The following EYS variants were observed in gnomAD, a reference collection of about 807,000 sequenced individuals.
EYS encodes protein eyes shut homolog.
In EYS, 250 loss-of-function variants were observed where a neutral mutation model predicts 282.1. The ratio of observed to expected loss-of-function variants is 0.89; its 90% CI spans 0.80 to 0.98. The LOEUF is 0.98. EYS is among the 50% of genes least tolerant of loss of function. The pLI, the probability that EYS is intolerant of heterozygous loss-of-function variation, is 0.00. For synonymous variants in EYS, 1,355 were observed against 1,282.9 expected (o/e 1.06, Z -1.20); for missense variants, 4,016 against 3,709.0 (o/e 1.08, Z -2.15).
intron 35 of EYS, among the ~76,000 whole-genome samples, chr6:63,879,405 C>T (rs565128769): frequency 6.6e-6 from 1 of 152,060 alleles, no homozygotes; most frequent in Admixed American, 6.6e-5. Context: ...GAGGGAGAGG[C>T]TACTGAAGAA....
intron 2 of EYS, among the ~76,000 whole-genome samples, chr6:65,506,492 T>TTG (rs1766664562): frequency 1.3e-5 from 1 of 77,738 alleles, no homozygotes; most frequent in Non-Finnish European, 2.4e-5. Context: ...TTTTTTTTTT[T>TTG]TTTTTTTTGG....
intron 19 of EYS, among the ~76,000 whole-genome samples, chr6:64,859,030 AGAATT>A (rs1442046354): frequency 2.6e-5 from 4 of 151,972 alleles, no homozygotes; most frequent in African/African-American, 4.8e-5. Flanking sequence ...TAGAAAATGA[AGAATT>A]GAACTGTCTC....
chr6:64,372,990 G>T (rs1003363436), intron 29 of EYS, among the ~76,000 whole-genome samples: 2 of 152,026 alleles, frequency 1.3e-5, no homozygotes, highest in African/African-American at 4.8e-5. Flanking sequence ...CCTTAGATTT[G>T]GTTGGGTTTT....
At position 64,806,083 on chromosome 6, in the gene EYS, T is replaced by C. The variant is rs186436878; in HGVS notation, c.3443+7295A>G. 3.7e-3 allele frequency among the ~76,000 whole-genome samples: 565 copies of C among 151,840 alleles called. 13 individuals are homozygous for C. The highest frequency in any genetic ancestry group is 0.033 in the Admixed American group (508 of 15,256). ...ACATTAAAAAATCAAAATAGGTTGA[T>C]GTTTTAAATTTGAATCTCTCCATGT... On this transcript the variant is annotated intron_variant, in intron 22 of 42. Transcript: ENST00000503581.
Position 65,417,751 on chromosome 6 carries a change from C to G in EYS, c.863-12384G>C, listed in dbSNP as rs142774774. ...GCAACTTTTATAAAGTAGATATTGT[C>G]GTTATGCCTATTATAAGCAAGGTGA... On this transcript the variant is annotated intron_variant, in intron 5 of 42. Transcript: ENST00000503581. 2.1e-3 allele frequency among the ~76,000 whole-genome samples: 320 copies of G among 152,044 alleles called. 2 individuals are homozygous for G. Among genetic ancestry groups the G allele is most frequent in the African/African-American group, 7.4e-3 (307 of 41,508 alleles).
Position 63,907,644 on chromosome 6 carries a change from A to C in EYS, c.7056-43286T>G, listed in dbSNP as rs1178430202. ...AGGCATTCATTTTTTTATCTGTATA[A>C]ATTTAAGGGACAAAAGTGCAGTTTT... On this transcript the variant is annotated intron_variant, in intron 35 of 42. Coordinates refer to ENST00000503581, the MANE Select transcript of EYS (RefSeq NM_001142800.2). Among the ~76,000 whole-genome samples the C allele has an allele frequency of 2.0e-5, 3 of 152,024 alleles. No homozygotes were observed. In the East Asian group the frequency reaches 5.8e-4, roughly 29 times the overall value.
chr6:63,806,232 G>C lies in EYS; in HGVS notation c.7369C>G (p.Leu2457Val). The stretch of plus-strand genomic sequence containing the variant: ...GTAAAAAATATCAAGTTATTTTGCA[G>C]TGCTGAGTGGTTGTTTGCCAGCTGA... ...KFQLANNHSA[L>V]QNNLIFFTGQ... Residue 2457 changes from leucine (L) to valine (V), a missense_variant, in exon 37 of 43, where the codon CTG (leucine) becomes GTG (valine). By Grantham distance (32) the Leu-to-Val change is conservative. Transcript: ENST00000503581. 6.4e-7 allele frequency: 1 copy of C among 1,551,578 alleles called. No homozygotes were observed. Among genetic ancestry groups the C allele is most frequent in the Non-Finnish European group, 8.7e-7 (1 of 1,146,902 alleles).
rs569322442 is a variant in EYS, at chr6:63,788,649, C to T, written c.7579-400G>A. ...GTTCTTTAGATAAAAATATAAACTT[C>T]TTAGCACATCTAAGCCCTTTGATAA... On this transcript the variant is annotated intron_variant, in intron 38 of 42. Coordinates refer to ENST00000503581, the MANE Select transcript of EYS (RefSeq NM_001142800.2). Among the ~76,000 whole-genome samples the T allele has an allele frequency of 7.2e-5, 11 of 152,090 alleles. No individual in the cohort carries two copies. The East Asian group carries it at 2.1e-3, about 29-fold the overall frequency.
chr6:65,192,398 T>G (rs1765664609), intron 12 of EYS, among the ~76,000 whole-genome samples: 1 of 151,242 alleles, frequency 6.6e-6, no homozygotes. Context: ...ATGCACCAAA[T>G]TTTATATCTT....
intron 1 of EYS, among the ~76,000 whole-genome samples, chr6:65,688,760 G>A (rs1253727070): frequency 1.3e-5 from 2 of 151,802 alleles, no homozygotes; most frequent in Admixed American, 6.6e-5. Context: ...GCAGCCAAAA[G>A]ACACATGAAA....
intron 30 of EYS, among the ~76,000 whole-genome samples, chr6:64,265,204 AG>A (rs1302591734): frequency 6.6e-6 from 1 of 152,154 alleles, no homozygotes; most frequent in African/African-American, 2.4e-5. Context: ...TGCAATTTAA[AG>A]TCACAAAAAA....
At chr6:65,017,737 A>G (rs1453605913) in intron 13 of EYS, among the ~76,000 whole-genome samples, 1 of 152,256 alleles carries the variant, frequency 6.6e-6, no homozygotes, top group African/African-American at 2.4e-5. Flanking sequence ...TGTCTAAACC[A>G]CAAAATGGCT....
chr6:64,632,346 A>C (rs1767811946), intron 22 of EYS, among the ~76,000 whole-genome samples: 1 of 152,092 alleles, frequency 6.6e-6, no homozygotes. Context: ...ATAGTACTCT[A>C]TTAGTAACTG....
At chr6:64,338,655 A>G (rs1420940028) in intron 29 of EYS, among the ~76,000 whole-genome samples, 2 of 151,990 alleles carry the variant, frequency 1.3e-5, no homozygotes, top group Admixed American at 6.6e-5. Flanking sequence ...TATGGAACCA[A>G]AAAAGAGCCC....
intron 2 of EYS, among the ~76,000 whole-genome samples, chr6:65,624,444 C>T (rs1258118852): frequency 6.6e-6 from 1 of 152,056 alleles, no homozygotes; most frequent in Non-Finnish European, 1.5e-5. Context: ...GGAGGAGAGC[C>T]TTTTTTCAGC....
chr6:65,446,654 G>A (rs1317419617), intron 5 of EYS, among the ~76,000 whole-genome samples: 1 of 151,746 alleles, frequency 6.6e-6, no homozygotes, highest in Non-Finnish European at 1.5e-5. Context: ...TCACAGTAAC[G>A]AAAAGCAAAG....
chr6:63,944,941 A>C (rs1278269666), intron 35 of EYS, among the ~76,000 whole-genome samples: 2 of 152,188 alleles, frequency 1.3e-5, no homozygotes, highest in Admixed American at 6.5e-5. Flanking sequence ...TCTCAAAAAA[A>C]ATAAAAAATA....
At chr6:64,093,581 T>C (rs1348137304) in intron 31 of EYS, among the ~76,000 whole-genome samples, 4 of 152,226 alleles carry the variant, frequency 2.6e-5, no homozygotes, top group Admixed American at 2.6e-4. Flanking sequence ...ATAAGAATGC[T>C]TGTGATTTTT....
chr6:64,833,960 T>A (rs1401860726), intron 19 of EYS, among the ~76,000 whole-genome samples: 1 of 151,920 alleles, frequency 6.6e-6, no homozygotes, highest in Non-Finnish European at 1.5e-5. Context: ...AATTCTAATT[T>A]TAATTCTTCA....
Sources: gnomAD v4.1 joint callset for allele counts (sites outside exome capture counted in the v4.1 genomes callset) on GRCh38, gnomAD v4.1.1 for gene constraint, MANE v1.5 for transcripts, NCBI Gene and HGNC (gene_info 2026-07-23, HGNC 2026-07-21) for gene names.